The following SHISA9 variants were observed in gnomAD, a reference collection of about 807,000 sequenced individuals.
SHISA9 encodes the protein protein shisa-9.
SHISA9 carries 13 observed loss-of-function variants against 38.0 expected under a neutral mutation model. The ratio of observed to expected loss-of-function variants is 0.34; its 90% CI spans 0.22 to 0.54. SHISA9 has a LOEUF of 0.54. Among genes scored for constraint, SHISA9 ranks in the 20% least tolerant of loss-of-function variants. SHISA9 has a pLI of 0.91. For synonymous variants in SHISA9, 275 were observed against 242.0 expected, an observed-to-expected ratio of 1.14 and a Z score of -1.27; for missense variants, 538 against 575.8, an observed-to-expected ratio of 0.93 and a Z score of 0.67.
the SHISA9 span, among the ~76,000 whole-genome samples, chr16:13,396,551 C>A: frequency 1.3e-5 from 2 of 152,172 alleles, no homozygotes; most frequent in African/African-American, 4.8e-5. Context: ...AACCTGGTTT[C>A]TCTCAGACAG....
At chr16:13,143,673 T>C (rs2050422320) in intron 2 of SHISA9, among the ~76,000 whole-genome samples, 1 of 152,066 alleles carries the variant, frequency 6.6e-6, no homozygotes, top group African/African-American at 2.4e-5. Flanking sequence ...GAGCCAGCCA[T>C]CAAACAGACA....
chr16:13,289,039 C>T, the SHISA9 span, among the ~76,000 whole-genome samples: 1 of 152,090 alleles, frequency 6.6e-6, no homozygotes, highest in African/African-American at 2.4e-5. Flanking sequence ...CCAATGAAAA[C>T]CTGTCTTCAG....
the SHISA9 span, among the ~76,000 whole-genome samples, chr16:13,296,272 A>T: frequency 6.6e-6 from 1 of 151,430 alleles, no homozygotes; most frequent in Non-Finnish European, 1.5e-5. Flanking sequence ...GCAGAAACAG[A>T]TGCTGGGATT....
intron 2 of SHISA9, among the ~76,000 whole-genome samples, chr16:12,923,580 T>C (rs2071356059): frequency 6.6e-6 from 1 of 151,370 alleles, no homozygotes; most frequent in Non-Finnish European, 1.5e-5. Flanking sequence ...GTCGGAAAAA[T>C]ATTGAGATTT....
chr16:13,128,531 A>G (rs2050280202), intron 2 of SHISA9, among the ~76,000 whole-genome samples: 1 of 152,190 alleles, frequency 6.6e-6, no homozygotes, highest in East Asian at 1.9e-4. Context: ...CCTACCATGT[A>G]GGATTGGTAA....
At chr16:13,453,294 A>G in the SHISA9 span, among the ~76,000 whole-genome samples, 1 of 152,176 alleles carries the variant, frequency 6.6e-6, no homozygotes, top group Non-Finnish European at 1.5e-5. Flanking sequence ...ATCGAGATAC[A>G]TTGATTGCAT....
intron 2 of SHISA9, among the ~76,000 whole-genome samples, chr16:12,966,475 G>A (rs117108269): frequency 0.026 from 3,983 of 152,096 alleles, 87 homozygotes; most frequent in Non-Finnish European, 0.043. Context: ...GGCTGGTCTC[G>A]AACTCCTGGG....
intron 2 of SHISA9, among the ~76,000 whole-genome samples, chr16:13,049,466 C>G (rs953351949): frequency 8.5e-5 from 13 of 152,070 alleles, no homozygotes; most frequent in African/African-American, 3.1e-4. Context: ...CAGGAAATGA[C>G]CTAGCTTGGC....
At chr16:13,538,594 T>C in the SHISA9 span, among the ~76,000 whole-genome samples, 1 of 152,188 alleles carries the variant, frequency 6.6e-6, no homozygotes, top group Non-Finnish European at 1.5e-5. Flanking sequence ...ATGGTTATGA[T>C]GGACTGAAGT....
chr16:13,235,678 C>A lies in SHISA9; in HGVS notation c.*269C>A. On this transcript the variant is annotated 3_prime_UTR_variant, in exon 5 of 5. Coordinates refer to ENST00000558583, the MANE Select transcript of SHISA9 (RefSeq NM_001145204.3). ...TGAGGCACACTCTTTCCACTTCAGGCCCAAGATGGCCAACTCACATGCCCA... is the reference window on the plus strand; with the variant it reads ...TGAGGCACACTCTTTCCACTTCAGGACCAAGATGGCCAACTCACATGCCCA... The A allele has an allele frequency of 2.3e-6, 1 of 437,630 alleles. No individual in the cohort carries two copies. The highest frequency in any genetic ancestry group is 4.0e-6 in the Non-Finnish European group (1 of 248,878). The allele number at this position is 437,630 out of a possible 1,614,324, so 27.1% of individuals were successfully genotyped here.
the SHISA9 span, among the ~76,000 whole-genome samples, chr16:13,548,193 C>A: frequency 4.1e-4 from 63 of 152,184 alleles, no homozygotes; most frequent in African/African-American, 1.5e-3. Flanking sequence ...TTATCTCTCA[C>A]CATATAAAAA....
At chr16:13,402,204 A>G in the SHISA9 span, among the ~76,000 whole-genome samples, 1 of 152,198 alleles carries the variant, frequency 6.6e-6, no homozygotes, top group Non-Finnish European at 1.5e-5. Context: ...AAGTCCCACA[A>G]CATGCTGTCT....
At chr16:13,119,438 G>C (rs1168708484) in intron 2 of SHISA9, among the ~76,000 whole-genome samples, 2 of 152,026 alleles carry the variant, frequency 1.3e-5, no homozygotes, top group African/African-American at 4.8e-5. Context: ...TCAGTAGATT[G>C]TTTATGTCAC....
chr16:13,265,717 A>G, the SHISA9 span, among the ~76,000 whole-genome samples: 1 of 152,016 alleles, frequency 6.6e-6, no homozygotes, highest in Non-Finnish European at 1.5e-5. Flanking sequence ...TATGCTGAGG[A>G]TAATGAAACC....
At chr16:13,380,540 G>A in the SHISA9 span, among the ~76,000 whole-genome samples, 3 of 152,110 alleles carry the variant, frequency 2.0e-5, no homozygotes, top group Non-Finnish European at 4.4e-5. Flanking sequence ...TATCGATCAA[G>A]TATAAAGGGG....
At chr16:13,549,338 G>T in the SHISA9 span, among the ~76,000 whole-genome samples, 3 of 152,114 alleles carry the variant, frequency 2.0e-5, no homozygotes, top group East Asian at 3.9e-4. Flanking sequence ...TATAAGAAAT[G>T]ATAAATGTAT....
At chr16:13,358,371 G>A in the SHISA9 span, among the ~76,000 whole-genome samples, 3 of 152,224 alleles carry the variant, frequency 2.0e-5, no homozygotes, top group Admixed American at 6.5e-5. Context: ...TTCTAATGCT[G>A]TCCCTCCCTT....
chr16:13,360,920 A>G, the SHISA9 span, among the ~76,000 whole-genome samples: 1 of 152,152 alleles, frequency 6.6e-6, no homozygotes, highest in Non-Finnish European at 1.5e-5. Context: ...AACAAGCTCC[A>G]TAATGTCCCC....
At chr16:12,908,421 T>G in intron 1 of SHISA9, 1 of 1,544,590 alleles carries the variant, frequency 6.5e-7, no homozygotes, top group Non-Finnish European at 8.7e-7. Flanking sequence ...TTTGCAATTT[T>G]GCCATAAGCT....
Sources: gnomAD v4.1 joint callset for allele counts (sites outside exome capture counted in the v4.1 genomes callset) on GRCh38, gnomAD v4.1.1 for gene constraint, MANE v1.5 for transcripts, NCBI Gene and HGNC (gene_info 2026-07-23, HGNC 2026-07-21) for gene names.